The following RSRC1 variants were observed in gnomAD, a reference collection of about 807,000 sequenced individuals.
RSRC1 encodes the protein serine/Arginine-related protein 53.
RSRC1 carries 39 observed loss-of-function variants against 49.1 expected under a neutral mutation model. The ratio of observed to expected loss-of-function variants is 0.79; its 90% CI spans 0.61 to 1.04. The LOEUF (loss-of-function observed/expected upper bound fraction) is 1.04, where lower values mean the gene tolerates loss of function less well. Among genes scored for constraint, RSRC1 ranks in the 50% least tolerant of loss-of-function variants. The probability of loss-of-function intolerance (pLI) is 0.00; values close to 1 mark genes in which losing one functional copy is unlikely to be tolerated. For missense variants in RSRC1, 388 were observed against 402.4 expected, an observed-to-expected ratio of 0.96 and a Z score of 0.31; for synonymous variants, 143 against 130.8, an observed-to-expected ratio of 1.09 and a Z score of -0.63.
chr3:158,419,216 A>G (rs1734908856), intron 6 of RSRC1, among the ~76,000 whole-genome samples: 1 of 152,032 alleles, frequency 6.6e-6, no homozygotes, highest in Admixed American at 6.6e-5. Context: ...AATACTTCAC[A>G]TGTAGACTTC....
chr3:158,358,475 T>A (rs925173586), intron 6 of RSRC1, among the ~76,000 whole-genome samples: 1 of 152,198 alleles, frequency 6.6e-6, no homozygotes, highest in Non-Finnish European at 1.5e-5. Context: ...AGTGGAAAGA[T>A]CCTAAGCCTG....
At chr3:158,285,519 C>T (rs1480983520) in intron 4 of RSRC1, among the ~76,000 whole-genome samples, 1 of 152,186 alleles carries the variant, frequency 6.6e-6, no homozygotes, top group East Asian at 1.9e-4. Context: ...TCTTCCTACC[C>T]ATGAGCATGG....
At chr3:158,425,895 G>A (rs900450748) in intron 6 of RSRC1, among the ~76,000 whole-genome samples, 2 of 151,708 alleles carry the variant, frequency 1.3e-5, no homozygotes, top group South Asian at 4.1e-4. Flanking sequence ...GAGCGGTGGA[G>A]ATTTATCCTA....
intron 4 of RSRC1, among the ~76,000 whole-genome samples, chr3:158,290,505 G>A (rs1726874776): frequency 6.6e-6 from 1 of 152,074 alleles, no homozygotes; most frequent in Non-Finnish European, 1.5e-5. Flanking sequence ...TCGATTTCCT[G>A]ACCTCGTGAT....
At chr3:158,419,745 C>T (rs1263520051) in intron 6 of RSRC1, among the ~76,000 whole-genome samples, 2 of 151,424 alleles carry the variant, frequency 1.3e-5, no homozygotes. Context: ...TACCTGTCCC[C>T]TCACAGGATA....
intron 6 of RSRC1, among the ~76,000 whole-genome samples, chr3:158,386,069 C>T (rs532349652): frequency 1.3e-5 from 2 of 151,772 alleles, no homozygotes; most frequent in African/African-American, 4.8e-5. Flanking sequence ...TGATGAAATG[C>T]GTTTATGTCC....
At chr3:158,500,056 T>C (rs1353702615) in intron 7 of RSRC1, among the ~76,000 whole-genome samples, 3 of 152,218 alleles carry the variant, frequency 2.0e-5, no homozygotes, top group East Asian at 3.8e-4. Flanking sequence ...CCGATTTTGC[T>C]GAGAGTTTTA....
intron 5 of RSRC1, among the ~76,000 whole-genome samples, chr3:158,353,872 G>C (rs1225305084): frequency 6.6e-6 from 1 of 151,610 alleles, no homozygotes; most frequent in Non-Finnish European, 1.5e-5. Flanking sequence ...TTTTTTAACA[G>C]GTCTTTAGTA....
At chr3:158,272,332 G>A (rs1038729299) in intron 4 of RSRC1, among the ~76,000 whole-genome samples, 7 of 152,050 alleles carry the variant, frequency 4.6e-5, no homozygotes, top group South Asian at 2.1e-4. Context: ...GACAGTTACC[G>A]CCAGCTTGAA....
intron 6 of RSRC1, among the ~76,000 whole-genome samples, chr3:158,443,617 C>T (rs1344267996): frequency 6.6e-6 from 1 of 152,170 alleles, no homozygotes; most frequent in African/African-American, 2.4e-5. Flanking sequence ...TTGTCCCTAT[C>T]AGCAATAAGG....
intron 7 of RSRC1, among the ~76,000 whole-genome samples, chr3:158,514,372 G>A (rs1183601502): frequency 6.6e-6 from 1 of 152,086 alleles, no homozygotes; most frequent in Non-Finnish European, 1.5e-5. Context: ...ATTTCGTTAT[G>A]TACCCAGCAG....
chr3:158,361,533 TC>T (rs1262778922), intron 6 of RSRC1, among the ~76,000 whole-genome samples: 1 of 152,058 alleles, frequency 6.6e-6, no homozygotes, highest in East Asian at 1.9e-4. Context: ...CACCCATGCC[TC>T]CCCCACTGTG....
intron 6 of RSRC1, among the ~76,000 whole-genome samples, chr3:158,412,547 G>A (rs1459589260): frequency 6.6e-6 from 1 of 151,408 alleles, no homozygotes. Flanking sequence ...TATGGTTTAT[G>A]TTAATGTTAA....
intron 7 of RSRC1, among the ~76,000 whole-genome samples, chr3:158,517,316 C>G (rs1740622298): frequency 6.6e-6 from 1 of 152,080 alleles, no homozygotes; most frequent in East Asian, 1.9e-4. Flanking sequence ...CTTTTTGTCT[C>G]TTTCCACTTG....
intron 6 of RSRC1, among the ~76,000 whole-genome samples, chr3:158,386,906 A>G (rs1732998146): frequency 6.6e-6 from 1 of 152,028 alleles, no homozygotes; most frequent in African/African-American, 2.4e-5. Flanking sequence ...ATGGTAGTAC[A>G]TGGAAATAAA....
intron 5 of RSRC1, among the ~76,000 whole-genome samples, chr3:158,347,254 TTA>T (rs1560004104): frequency 6.6e-6 from 1 of 152,180 alleles, no homozygotes; most frequent in Non-Finnish European, 1.5e-5. Flanking sequence ...ACACAGTACC[TTA>T]TATAGAAGAC....
chr3:158,379,836 A>ACACACACACACACG (rs1027981758), intron 6 of RSRC1, among the ~76,000 whole-genome samples: 1 of 143,862 alleles, frequency 7.0e-6, no homozygotes. Context: ...ACACACACAC[A>ACACACACACACACG]CCCTCCCTCC....
chr3:158,305,076 T>C (rs1559984863), intron 5 of RSRC1, among the ~76,000 whole-genome samples: 1 of 152,110 alleles, frequency 6.6e-6, no homozygotes, highest in Non-Finnish European at 1.5e-5. Flanking sequence ...TACAAGTTTA[T>C]TGAAAATTGC....
At chr3:158,113,103 A>T (rs552925727) in intron 1 of RSRC1, among the ~76,000 whole-genome samples, 1 of 136,436 alleles carries the variant, frequency 7.3e-6, no homozygotes, top group Non-Finnish European at 1.6e-5. Flanking sequence ...TGCAGTGAAC[A>T]TAAACGTGCA....
Sources: gnomAD v4.1 joint callset for allele counts (sites outside exome capture counted in the v4.1 genomes callset) on GRCh38, gnomAD v4.1.1 for gene constraint, MANE v1.5 for transcripts, NCBI Gene and HGNC (gene_info 2026-07-23, HGNC 2026-07-21) for gene names.